The following RHBDD3 variants were observed in gnomAD, a reference collection of about 807,000 sequenced individuals.
The protein encoded by RHBDD3 is rhomboid domain-containing protein 3.
Under a neutral mutation model 32.3 loss-of-function variants are expected in RHBDD3, and 34 were observed. That is an observed-to-expected ratio of 1.05 (90% confidence interval 0.80 to 1.40). RHBDD3 has a LOEUF of 1.40. Among genes scored for constraint, RHBDD3 ranks in the 40% most tolerant of loss-of-function variants. The pLI, the probability that RHBDD3 is intolerant of heterozygous loss-of-function variation, is 0.00. For synonymous variants in RHBDD3, 249 were observed against 239.1 expected, an observed-to-expected ratio of 1.04 and a Z score of -0.38; for missense variants, 482 against 492.6, an observed-to-expected ratio of 0.98 and a Z score of 0.20.
intron 2 of RHBDD3, among the ~76,000 whole-genome samples, chr22:29,267,067 C>A (rs1018608985): frequency 2.6e-5 from 4 of 152,240 alleles, no homozygotes; most frequent in Non-Finnish European, 5.9e-5. Flanking sequence ...ATTCACAGCA[C>A]ACAGCCAGTG....
intron 4 of RHBDD3, chr22:29,261,113 G>T (rs2058112495): frequency 6.7e-6 from 4 of 599,436 alleles, no homozygotes; most frequent in Non-Finnish European, 1.2e-5. Context: ...GCTCACCCGT[G>T]ACCCACTCTG....
rs748167081 is a variant in RHBDD3, at chr22:29,260,847, G to A, written c.550C>T (p.Arg184Trp). ...CGTCGCTCTGAGGGTTCCAGCCACC[G>A]GAAGGCCCCAGCTGCATCTGTCTGC... ...AGLAYAAGAF[R>W]WLEPSERRLQ... The change falls in exon 5 of 7, where the codon CGG (arginine) becomes TGG (tryptophan). Residue 184 changes from arginine to tryptophan, a missense_variant. Coordinates refer to ENST00000216085, the MANE Select transcript of RHBDD3 (RefSeq NM_012265.3). 119 of 1,593,666 alleles carry A rather than the reference G, an allele frequency of 7.5e-5. No individual in the cohort carries two copies. The highest frequency in any genetic ancestry group is 9.3e-5 in the Non-Finnish European group (109 of 1,172,432).
rs145484959 is a variant in RHBDD3, at chr22:29,260,768, G to C, written c.629C>G (p.Pro210Arg). The change falls in exon 5 of 7, where the codon CCC becomes CGC. Residue 210 changes from proline (P) to arginine (R), a missense_variant. By Grantham distance (103) the Pro-to-Arg change is moderately radical. Coordinates refer to ENST00000216085, the MANE Select transcript of RHBDD3 (RefSeq NM_012265.3). ...VLCRTLAGCW[P>R]LRLLATPGSL... Reference sequence around the variant, plus strand: ...ACCCGGGGTGGCAAGGAGCCTCAGGGGCCAGCACCCCGCCAAGGTCCTGCA... The same window carrying C: ...ACCCGGGGTGGCAAGGAGCCTCAGGCGCCAGCACCCCGCCAAGGTCCTGCA... The C allele has an allele frequency of 1.4e-5, 23 of 1,602,556 alleles. No homozygotes were observed. The African/African-American group carries it at 2.9e-4, about 21-fold the overall frequency.
intron 4 of RHBDD3, among the ~76,000 whole-genome samples, chr22:29,263,180 G>A (rs139864944): frequency 0.013 from 1,977 of 152,360 alleles, 54 homozygotes; most frequent in African/African-American, 0.046. Flanking sequence ...AAGTAGCTGG[G>A]ATTACAGGTG....
chr22:29,265,989 T>C (rs2058171951), intron 2 of RHBDD3, among the ~76,000 whole-genome samples: 1 of 152,188 alleles, frequency 6.6e-6, no homozygotes, highest in Non-Finnish European at 1.5e-5. Flanking sequence ...AGCCCTCTTC[T>C]GTCCTCCCCC....
chr22:29,261,380 T>A (rs1382714961), intron 4 of RHBDD3: 2 of 461,380 alleles, frequency 4.3e-6, no homozygotes, highest in Non-Finnish European at 8.8e-6. Context: ...GAGGATCACT[T>A]GAGGCCAGGA....
chr22:29,263,957 C>T lies in RHBDD3; in HGVS notation c.410G>A (p.Arg137Lys), dbSNP rs899887162. 1.3e-6 allele frequency: 2 copies of T among 1,550,552 alleles called. No homozygotes were observed. The highest frequency in any genetic ancestry group is 2.7e-5 in the African/African-American group (2 of 73,158). The change falls in exon 4 of 7, where the codon AGA (arginine) becomes AAA (lysine). Residue 137 changes from arginine (R) to lysine (K), a missense_variant. Physicochemically the swap from Arg to Lys is conservative, Grantham distance 26 (BLOSUM62 2). Transcript: ENST00000216085. ...AMLAGEGHRP[R>K]RPRGALPPWL... is the part of the protein sequence containing the mutation. Reference sequence around the variant, plus strand: ...CGGTGGCAGTGCCCCACGGGGCCGTCTAGGGCGGTGTCCCTCCCCAGCCAG... The same window carrying T: ...CGGTGGCAGTGCCCCACGGGGCCGTTTAGGGCGGTGTCCCTCCCCAGCCAG...
At chr22:29,268,137 G>C (rs1453130794), upstream of RHBDD3, 21 of 649,912 alleles carry the variant, frequency 3.2e-5, no homozygotes, top group Non-Finnish European at 5.8e-5. Flanking sequence ...GTCACGTCGG[G>C]CGCTCTTTAG....
At chr22:29,267,662 G>C (rs1297946331) in intron 1 of RHBDD3, 85 bp from the exon 2 acceptor site, 1 of 158,204 alleles carries the variant, frequency 6.3e-6, no homozygotes, top group Non-Finnish European at 1.4e-5. Context: ...CTCGGGGCCA[G>C]GCACGGCGTT....
At chr22:29,266,274 C>A (rs1434720655) in intron 2 of RHBDD3, among the ~76,000 whole-genome samples, 1 of 152,332 alleles carries the variant, frequency 6.6e-6, no homozygotes, top group Admixed American at 6.5e-5. Context: ...CCCCTTTCCA[C>A]AGGAAGGGTA....
intron 4 of RHBDD3, chr22:29,261,150 G>A (rs2058113068): frequency 1.7e-6 from 1 of 586,938 alleles, no homozygotes; most frequent in Admixed American, 2.4e-5. Context: ...CACCTTTTCA[G>A]GTCTGTAACT....
chr22:29,264,117 G>C lies in RHBDD3; in HGVS notation c.250C>G (p.Leu84Val), dbSNP rs758089649. Reference protein sequence around the residue: ...PTVGWQQECHLGTLRFLHASA... With the variant: ...PTVGWQQECHVGTLRFLHASA... Reference sequence around the variant, plus strand: ...GCATGCAGGAATCTCAGCGTGCCCAGGTGGCACTCCTGCTGCCAGCCCACA... The same window carrying C: ...GCATGCAGGAATCTCAGCGTGCCCACGTGGCACTCCTGCTGCCAGCCCACA... Residue 84 changes from leucine to valine, a missense_variant, in exon 4 of 7, where the codon CTG becomes GTG. Coordinates refer to ENST00000216085, the MANE Select transcript of RHBDD3 (RefSeq NM_012265.3). 1 of 1,586,158 alleles carries C rather than the reference G, an allele frequency of 6.3e-7. No homozygotes were observed. Among genetic ancestry groups the C allele is most frequent in the South Asian group, 1.1e-5 (1 of 87,012 alleles).
chr22:29,260,140 C>T lies in RHBDD3; in HGVS notation c.1081G>A (p.Gly361Arg), dbSNP rs1158329949. 4 of 1,588,654 alleles carry T rather than the reference C, an allele frequency of 2.5e-6. No individual in the cohort carries two copies. The highest frequency in any genetic ancestry group is 3.4e-6 in the Non-Finnish European group (4 of 1,167,864). The change falls in exon 7 of 7, where the codon GGA becomes AGA. Residue 361 changes from glycine (G) to arginine (R), a missense_variant. Gly to Arg is a moderately radical substitution (Grantham distance 125). Coordinates refer to ENST00000216085, the MANE Select transcript of RHBDD3 (RefSeq NM_012265.3). ...RVEGAVSLLVGGQVGTETLVT... is the reference protein window; with the variant it reads ...RVEGAVSLLVRGQVGTETLVT... ...AGGGTCTCAGTGCCCACTTGTCCTC[C>T]AACCAACAGTGACACGGCACCCTCC...
intron 4 of RHBDD3, 125 bp downstream of exon 4, chr22:29,263,710 T>C: frequency 7.1e-7 from 1 of 1,417,546 alleles, no homozygotes; most frequent in Non-Finnish European, 9.2e-7. Flanking sequence ...GAGAAGCTCC[T>C]GGAATGTGTG....
In RHBDD3 at chr22:29,265,627, C is replaced by T. The variant is rs1396938130; in HGVS notation, c.-1G>A. ...GGCCATGGGGGCCCCTGGCATGCAT[C>T]GCTTGGTTGAGGACGGTCAAGGGTG... On this transcript the variant is annotated 5_prime_UTR_variant, in exon 3 of 7. Transcript: ENST00000216085. 3 of 1,584,472 alleles carry T rather than the reference C, an allele frequency of 1.9e-6. No homozygotes were observed. The highest frequency in any genetic ancestry group is 2.6e-6 in the Non-Finnish European group (3 of 1,169,354).
intron 3 of RHBDD3, chr22:29,264,541 T>C: frequency 1.8e-6 from 2 of 1,116,350 alleles, no homozygotes; most frequent in Non-Finnish European, 2.2e-6. Context: ...TACTAAATCA[T>C]ACCTGGCTGA....
intron 4 of RHBDD3, among the ~76,000 whole-genome samples, chr22:29,262,920 C>A (rs981171106): frequency 5.6e-5 from 8 of 142,478 alleles, no homozygotes; most frequent in Admixed American, 4.2e-4. Flanking sequence ...CTATCGCCCA[C>A]GCTGGAGTGC....
intron 4 of RHBDD3, among the ~76,000 whole-genome samples, chr22:29,262,903 T>C (rs2058135958): frequency 6.6e-6 from 1 of 151,420 alleles, no homozygotes; most frequent in South Asian, 2.1e-4. Context: ...GAGACCGGAG[T>C]CTCACCCTAT....
intron 3 of RHBDD3, among the ~76,000 whole-genome samples, chr22:29,264,833 A>C (rs1424966266): frequency 6.6e-6 from 1 of 152,050 alleles, no homozygotes; most frequent in East Asian, 1.9e-4. Flanking sequence ...GCTGGAGTGC[A>C]GTGGCGCGAT....
Sources: allele counts gnomAD v4.1 joint callset (sites outside exome capture counted in the v4.1 genomes callset), GRCh38; gene constraint gnomAD v4.1.1; transcripts MANE v1.5; gene names NCBI Gene and HGNC (gene_info 2026-07-23, HGNC 2026-07-21).